The following EPHA5 variants were observed in gnomAD, a reference collection of about 807,000 sequenced individuals.
EPHA5 encodes EPH receptor A5.
A neutral mutation model predicts 105.0 loss-of-function variants in EPHA5; 60 were observed. The observed-to-expected ratio is 0.57, with a 90% CI of 0.46 to 0.71. The LOEUF (loss-of-function observed/expected upper bound fraction) is 0.71. EPHA5 is among the 30% of genes least tolerant of loss of function. The probability of loss-of-function intolerance (pLI) is 0.00; values close to 1 mark genes in which losing one functional copy is unlikely to be tolerated. For synonymous variants in EPHA5, 513 were observed against 449.1 expected, an observed-to-expected ratio of 1.14 and a Z score of -1.80; for missense variants, 1,218 against 1,274.7, an observed-to-expected ratio of 0.96 and a Z score of 0.68.
intron 3 of EPHA5, among the ~76,000 whole-genome samples, chr4:65,571,998 C>A (rs893633136): frequency 6.6e-6 from 1 of 151,958 alleles, no homozygotes; most frequent in Non-Finnish European, 1.5e-5. Context: ...CAACTCCCTT[C>A]CTAATTATTT....
chr4:65,420,677 C>A (rs994390449), intron 5 of EPHA5, 112 bp from the exon 6 acceptor site: 5 of 1,035,764 alleles, frequency 4.8e-6, no homozygotes, highest in South Asian at 2.2e-5. Flanking sequence ...TAAAAAAAAT[C>A]CCAATTAAAT....
In EPHA5 at chr4:65,662,347, A is replaced by T. The variant is rs558663498; in HGVS notation, c.181+7215T>A. Among the ~76,000 whole-genome samples, 383 of 152,046 alleles carry T rather than the reference A, an allele frequency of 2.5e-3. 2 individuals are homozygous for T. Among genetic ancestry groups the T allele is most frequent in the African/African-American group, 8.8e-3 (367 of 41,488 alleles). On this transcript the variant is annotated intron_variant, in intron 1 of 16. Transcript: ENST00000613740. The stretch of plus-strand genomic sequence containing the variant: ...AGGTTTTGGCTCTTTAATTTTTTTT[A>T]TTTTTTACCAGAATCATTTACTTAA...
At chr4:65,591,966 T>C (rs1742707554) in intron 3 of EPHA5, among the ~76,000 whole-genome samples, 1 of 152,104 alleles carries the variant, frequency 6.6e-6, no homozygotes, top group South Asian at 2.1e-4. Context: ...AATTTAGTAT[T>C]GGGAAGGTTC....
At chr4:65,539,209 A>G (rs1006950693) in intron 3 of EPHA5, among the ~76,000 whole-genome samples, 2 of 151,736 alleles carry the variant, frequency 1.3e-5, no homozygotes, top group Non-Finnish European at 3.0e-5. Context: ...GAGATGTCCC[A>G]TAAATGAGCT....
chr4:65,621,576 T>C (rs2149476703), intron 2 of EPHA5, among the ~76,000 whole-genome samples: 1 of 152,306 alleles, frequency 6.6e-6, no homozygotes, highest in South Asian at 2.1e-4. Context: ...TTATAATAAA[T>C]GTTTTGTAGA....
At chr4:65,499,542 AT>A (rs1194459542) in intron 3 of EPHA5, among the ~76,000 whole-genome samples, 2 of 151,488 alleles carry the variant, frequency 1.3e-5, no homozygotes, top group Admixed American at 1.3e-4. Flanking sequence ...AATGAAAACT[AT>A]TTTTGTTGAG....
chr4:65,366,349 C>T (rs1717907174), intron 9 of EPHA5, among the ~76,000 whole-genome samples: 1 of 151,754 alleles, frequency 6.6e-6, no homozygotes, highest in African/African-American at 2.4e-5. Flanking sequence ...ATGTTATTCA[C>T]CGAACTGGAC....
At chr4:65,580,380 T>G (rs1741493725) in intron 3 of EPHA5, among the ~76,000 whole-genome samples, 1 of 151,882 alleles carries the variant, frequency 6.6e-6, no homozygotes, top group Non-Finnish European at 1.5e-5. Flanking sequence ...CTACTTTAAA[T>G]TGTACCGTCT....
At chr4:65,435,581 C>T (rs1725398333) in intron 5 of EPHA5, among the ~76,000 whole-genome samples, 1 of 152,024 alleles carries the variant, frequency 6.6e-6, no homozygotes, top group Admixed American at 6.6e-5. Context: ...AAACAAAGCA[C>T]TTGTCTAGAT....
intron 8 of EPHA5, among the ~76,000 whole-genome samples, chr4:65,385,116 G>A (rs564684599): frequency 6.6e-6 from 1 of 151,666 alleles, no homozygotes; most frequent in South Asian, 2.1e-4. Context: ...TGCTGTTTTC[G>A]TCAGCTCAAA....
In EPHA5 at chr4:65,320,226, T is replaced by A; in HGVS notation, c.*3888A>T. On this transcript the variant is annotated 3_prime_UTR_variant, in exon 17 of 17. Transcript: ENST00000613740. ...ATAATTAACAGCACAATAGAGAAAA[T>A]TATTCAATGTAAACAGCTGTGCTAC... 1 of 230,048 alleles carries A rather than the reference T, an allele frequency of 4.3e-6. No homozygotes were observed. Among genetic ancestry groups the A allele is most frequent in the Non-Finnish European group, 8.6e-6 (1 of 115,982 alleles). The allele number at this position is 230,048 out of a possible 1,614,324, so 14.3% of individuals were successfully genotyped here.
At chr4:65,371,337 C>G (rs1050717222) in intron 8 of EPHA5, among the ~76,000 whole-genome samples, 3 of 151,816 alleles carry the variant, frequency 2.0e-5, no homozygotes, top group Admixed American at 2.0e-4. Flanking sequence ...ATTTAAAAGT[C>G]CTAGAGAGAG....
chr4:65,490,315 C>A (rs2149211510), intron 5 of EPHA5, 62 bp downstream of exon 5: 1 of 1,480,894 alleles, frequency 6.8e-7, no homozygotes, highest in Admixed American at 1.8e-5. Flanking sequence ...TGGCCGTCAG[C>A]TATGGAAATA....
At chr4:65,331,059 A>C in intron 16 of EPHA5, 1 of 920,074 alleles carries the variant, frequency 1.1e-6, no homozygotes, top group Non-Finnish European at 1.3e-6. Flanking sequence ...TGTTCATATC[A>C]TGTGTACAAA....
intron 8 of EPHA5, among the ~76,000 whole-genome samples, chr4:65,397,609 A>C (rs1417367426): frequency 8.2e-6 from 1 of 121,872 alleles, no homozygotes; most frequent in Admixed American, 7.6e-5. Context: ...TTAGATTTCT[A>C]GTTTTTTTTT....
At chr4:65,440,406 G>A (rs1399352808) in intron 5 of EPHA5, among the ~76,000 whole-genome samples, 3 of 151,600 alleles carry the variant, frequency 2.0e-5, no homozygotes, top group African/African-American at 4.8e-5. Flanking sequence ...TATTATGTGT[G>A]CAAAAATTTA....
Position 65,322,875 on chromosome 4 carries a change from C to T in EPHA5, c.*1239G>A, listed in dbSNP as rs564160743. On this transcript the variant is annotated 3_prime_UTR_variant, in exon 17 of 17. Coordinates refer to ENST00000613740, the MANE Select transcript of EPHA5 (RefSeq NM_001281766.3). ...ATATATATTTGTCATAATTCCATTG[C>T]TGCCTTAGAGTCAAAATTTCTAGAA... The T allele has an allele frequency of 1.3e-5, 3 of 228,792 alleles. No homozygotes were observed. Among genetic ancestry groups the T allele is most frequent in the East Asian group, 6.2e-5 (1 of 16,172 alleles). 14.2% of individuals were successfully genotyped at this position (228,792 alleles called of 1,614,324 possible). A position where few individuals can be genotyped will look rare whatever the true frequency, so the allele number is the denominator to read the frequency against.
At chr4:65,543,191 T>A (rs953188094) in intron 3 of EPHA5, among the ~76,000 whole-genome samples, 1 of 152,040 alleles carries the variant, frequency 6.6e-6, no homozygotes. Flanking sequence ...TCAAAACTGC[T>A]ATTCAACATA....
intron 16 of EPHA5, among the ~76,000 whole-genome samples, chr4:65,330,208 G>A (rs1307664711): frequency 6.6e-6 from 1 of 151,320 alleles, no homozygotes; most frequent in African/African-American, 2.4e-5. Context: ...ACAAATGTTT[G>A]AATAAAGGCA....
Sources: gnomAD v4.1 joint callset for allele counts (sites outside exome capture counted in the v4.1 genomes callset) on GRCh38, gnomAD v4.1.1 for gene constraint, MANE v1.5 for transcripts, NCBI Gene and HGNC (gene_info 2026-07-23, HGNC 2026-07-21) for gene names.